The following STXBP5 variants were observed in gnomAD, a reference collection of about 807,000 sequenced individuals.
STXBP5 encodes the protein syntaxin binding protein 5, also known as syntaxin-binding protein 5.
Under a neutral mutation model 152.4 loss-of-function variants are expected in STXBP5, and 50 were observed. The ratio of observed to expected loss-of-function variants is 0.33; its 90% CI spans 0.26 to 0.42. The LOEUF (loss-of-function observed/expected upper bound fraction) is 0.42. STXBP5 is among the 10% of genes least tolerant of loss of function. The pLI is 1.00. For missense variants in STXBP5, 1,167 were observed against 1,388.6 expected (o/e 0.84, Z 2.54); for synonymous variants, 492 against 494.7 (o/e 0.99, Z 0.07).
chr6:147,325,209 T>G, intron 17 of STXBP5, 125 bp downstream of exon 17: 1 of 995,944 alleles, frequency 1.0e-6, no homozygotes. Context: ...CAATTTTGAT[T>G]TCAGACGAAA....
At position 147,255,292 on chromosome 6, in the gene STXBP5, G is replaced by A. The variant is rs116275939; in HGVS notation, c.432-5323G>A. Among the ~76,000 whole-genome samples, 1,235 of 152,188 alleles carry A rather than the reference G, an allele frequency of 8.1e-3. 18 individuals are homozygous for A. The highest frequency in any genetic ancestry group is 0.028 in the African/African-American group (1,183 of 41,526). Reference sequence around the variant, plus strand: ...GAGAACACAGAAGTGAACATGATACGCTGAGGCGTGTCGGAGGGTGAGAGG... The same window carrying A: ...GAGAACACAGAAGTGAACATGATACACTGAGGCGTGTCGGAGGGTGAGAGG... On this transcript the variant is annotated intron_variant, in intron 4 of 27. Transcript: ENST00000321680.
Position 147,214,951 on chromosome 6 carries a change from CATAGGGTGGATGAGT to C in STXBP5, c.248+8886_248+8900del, listed in dbSNP as rs559880355. On this transcript the variant is annotated intron_variant, in intron 2 of 27. Transcript: ENST00000321680. ...CAACTTTATGTCCTTCAGTAAGGAT[CATAGGGTGGATGAGT>C]ATGTGTGTGTGTGCAGACACTTAAA... 1.4e-4 allele frequency among the ~76,000 whole-genome samples: 21 copies of C among 152,214 alleles called. No homozygotes were observed. In the East Asian group the frequency reaches 3.7e-3, roughly 27 times the overall value.
chr6:147,328,085 GTAAT>G (rs1783362074), intron 18 of STXBP5, among the ~76,000 whole-genome samples: 1 of 152,176 alleles, frequency 6.6e-6, no homozygotes, highest in African/African-American at 2.4e-5. Context: ...TGTTTGCTAG[GTAAT>G]TAGTCTTAAT....
At chr6:147,321,168 A>G (rs1041443610) in intron 16 of STXBP5, among the ~76,000 whole-genome samples, 1 of 152,214 alleles carries the variant, frequency 6.6e-6, no homozygotes, top group Non-Finnish European at 1.5e-5. Context: ...ATAGTCTTCA[A>G]ATAAATGCAG....
Position 147,213,483 on chromosome 6 carries a change from C to T in STXBP5, c.248+7415C>T, listed in dbSNP as rs932038494. On this transcript the variant is annotated intron_variant, in intron 2 of 27. Transcript: ENST00000321680. ...GTGTGTGTGTGTGTGTGTGTGCGCG[C>T]GCATATATATATTTTTTCTTTTTCT... 3.4e-4 allele frequency among the ~76,000 whole-genome samples: 43 copies of T among 126,950 alleles called. 1 individual carries two copies. Among genetic ancestry groups the T allele is most frequent in the Non-Finnish European group, 6.3e-4 (38 of 60,494 alleles). 83.3% of individuals were successfully genotyped at this position (126,950 alleles called of 152,430 possible).
chr6:147,348,924 T>G (rs1784459546), intron 21 of STXBP5, among the ~76,000 whole-genome samples: 1 of 152,158 alleles, frequency 6.6e-6, no homozygotes, highest in South Asian at 2.1e-4. Context: ...TAAAGAAAAG[T>G]GGACTTTTAA....
intron 5 of STXBP5, among the ~76,000 whole-genome samples, chr6:147,261,873 T>A (rs1779656194): frequency 6.6e-6 from 1 of 151,982 alleles, no homozygotes; most frequent in South Asian, 2.1e-4. Flanking sequence ...TGGCATTATT[T>A]TTTTTTTAAT....
intron 16 of STXBP5, among the ~76,000 whole-genome samples, chr6:147,320,582 T>TGTTTGA: frequency 6.6e-6 from 1 of 151,420 alleles, no homozygotes; most frequent in African/African-American, 2.4e-5. Context: ...TGTGTGTGTG[T>TGTTTGA]GTGTGTGTGT....
chr6:147,249,510 A>G (rs570846723), intron 4 of STXBP5, among the ~76,000 whole-genome samples: 2 of 152,334 alleles, frequency 1.3e-5, no homozygotes, highest in Admixed American at 1.3e-4. Flanking sequence ...GCTTAGCAGA[A>G]TTGTCCCCTA....
intron 4 of STXBP5, among the ~76,000 whole-genome samples, chr6:147,248,450 G>GT (rs902808294): frequency 4.0e-5 from 6 of 151,590 alleles, no homozygotes; most frequent in Non-Finnish European, 5.9e-5. Context: ...AAATAATTGA[G>GT]TTTTTTTTTA....
At chr6:147,264,174 A>G (rs1258741034) in intron 6 of STXBP5, among the ~76,000 whole-genome samples, 1 of 152,032 alleles carries the variant, frequency 6.6e-6, no homozygotes, top group Non-Finnish European at 1.5e-5. Flanking sequence ...TTTGCAAAGA[A>G]CTAGACATTT....
chr6:147,204,980 T>C lies in STXBP5; in HGVS notation c.150+298T>C, dbSNP rs190878211. 1.3e-5 allele frequency among the ~76,000 whole-genome samples: 2 copies of C among 152,258 alleles called. No individual in the cohort carries two copies. The highest frequency in any genetic ancestry group is 4.8e-5 in the African/African-American group (2 of 41,564). The stretch of plus-strand genomic sequence containing the variant: ...AATCGTATTCTGACACTGCCAGTAA[T>C]AACCTGGAAGCTTTTATATTCAAGC... On this transcript the variant is annotated intron_variant, in intron 1 of 27. Transcript: ENST00000321680. The surrounding 1 kb of genome is among the most constrained non-coding windows in gnomAD (Gnocchi z 4.3).
chr6:147,262,259 G>C, intron 5 of STXBP5, 31 bp from the exon 6 acceptor site: 1 of 1,399,104 alleles, frequency 7.1e-7, no homozygotes, highest in Non-Finnish European at 9.8e-7. Context: ...CTTAACTGAA[G>C]AGAAAATCTT....
chr6:147,233,139 CAA>C (rs1778088362), intron 2 of STXBP5, among the ~76,000 whole-genome samples: 1 of 151,574 alleles, frequency 6.6e-6, no homozygotes, highest in Non-Finnish European at 1.5e-5. Flanking sequence ...GTACAAATGC[CAA>C]AAGAGACATT....
rs181159412 is a variant in STXBP5 at position 147,349,547 on chromosome 6, T to C, written c.2255-3776T>C. Among the ~76,000 whole-genome samples the C allele has an allele frequency of 5.8e-4, 89 of 152,348 alleles. 1 individual carries two copies. The highest frequency in any genetic ancestry group is 5.1e-3 in the Admixed American group (78 of 15,304). ...AGAAATGTTTGGGGAACATCTTGTT[T>C]CGTGAAAATGTACAAAGTCTCTCGC... On this transcript the variant is annotated intron_variant, in intron 21 of 27. Coordinates refer to ENST00000321680, the MANE Select transcript of STXBP5 (RefSeq NM_001127715.4).
intron 2 of STXBP5, among the ~76,000 whole-genome samples, chr6:147,219,542 T>G (rs1175667138): frequency 1.3e-5 from 2 of 152,190 alleles, no homozygotes; most frequent in Non-Finnish European, 2.9e-5. Context: ...TTTGGGAATC[T>G]ATTAATTGAT....
At chr6:147,325,236 A>C (rs1359360488) in intron 17 of STXBP5, 152 bp downstream of exon 17, 2 of 836,142 alleles carry the variant, frequency 2.4e-6, no homozygotes, top group Non-Finnish European at 3.3e-6. Flanking sequence ...GTTTATTTGG[A>C]ACATAATTTC....
intron 22 of STXBP5, among the ~76,000 whole-genome samples, chr6:147,354,863 A>G (rs569147892): frequency 1.9e-4 from 29 of 152,300 alleles, no homozygotes; most frequent in African/African-American, 7.0e-4. Flanking sequence ...GTGTTGCCTA[A>G]GTAATGTCCC....
intron 21 of STXBP5, among the ~76,000 whole-genome samples, chr6:147,343,626 C>T (rs1233159834): frequency 1.3e-5 from 2 of 152,118 alleles, no homozygotes; most frequent in Admixed American, 6.5e-5. Context: ...CAACTATCTG[C>T]TTTTGCTTTC....
Sources: allele counts gnomAD v4.1 joint callset (sites outside exome capture counted in the v4.1 genomes callset), GRCh38; gene constraint gnomAD v4.1.1; non-coding constraint Gnocchi (gnomAD v3.1); transcripts MANE v1.5; gene names NCBI Gene and HGNC (gene_info 2026-07-23, HGNC 2026-07-21).